The following ECM2 variants were observed in gnomAD, a reference collection of about 807,000 sequenced individuals.
The protein encoded by ECM2 is extracellular matrix protein 2, also known as extracellular matrix protein 2, female organ and adipocyte specific.
A neutral mutation model predicts 67.5 loss-of-function variants in ECM2; 57 were observed. The ratio of observed to expected loss-of-function variants is 0.84; its 90% confidence interval spans 0.68 to 1.05. The LOEUF (loss-of-function observed/expected upper bound fraction) is 1.05, where lower values mean the gene tolerates loss of function less well. ECM2 is among the 50% of genes least tolerant of loss of function. ECM2 has a pLI of 0.00. For synonymous variants in ECM2, 258 were observed against 294.5 expected (o/e 0.88, Z 1.27); for missense variants, 741 against 822.8 (o/e 0.90, Z 1.22).
upstream of ECM2, chr9:92,536,508 G>A (rs1420324770): frequency 6.5e-6 from 1 of 153,088 alleles, no homozygotes. Context: ...ACAAAAAAAT[G>A]GTTACGTATT....
the ECM2 span, among the ~76,000 whole-genome samples, chr9:92,558,987 A>C: frequency 6.6e-6 from 1 of 152,042 alleles, no homozygotes; most frequent in East Asian, 1.9e-4. Flanking sequence ...CCCGCCACCC[A>C]ACAGCCCCAA....
chr9:92,550,605 A>G, the ECM2 span, among the ~76,000 whole-genome samples: 4 of 152,010 alleles, frequency 2.6e-5, no homozygotes, highest in South Asian at 8.3e-4. Context: ...TATTCAGTCC[A>G]GGAGGCTGGA....
upstream of ECM2, among the ~76,000 whole-genome samples, chr9:92,540,563 G>C (rs1025810414): frequency 1.3e-5 from 2 of 151,786 alleles, no homozygotes; most frequent in African/African-American, 4.8e-5. Flanking sequence ...ACAAGGTTAG[G>C]AGTTCAAGAC....
intron 2 of ECM2, among the ~76,000 whole-genome samples, chr9:92,520,862 G>A (rs1848023452): frequency 6.6e-6 from 1 of 152,156 alleles, no homozygotes; most frequent in South Asian, 2.1e-4. Flanking sequence ...AAATACACAA[G>A]GCCACATATT....
At chr9:92,533,560 G>A (rs1848991319) in intron 1 of ECM2, among the ~76,000 whole-genome samples, 1 of 151,094 alleles carries the variant, frequency 6.6e-6, no homozygotes, top group African/African-American at 2.4e-5. Context: ...CCAAATATTG[G>A]CCCTGTTGTT....
chr9:92,522,885 A>C lies in ECM2; in HGVS notation c.-19T>G. On this transcript the variant is annotated 5_prime_UTR_variant, in exon 2 of 10. Transcript: ENST00000344604. ...TCTTCATGTTTGATTTTTTTCCACCAGCCAATTTCTAGAATGAAACAATAT... is the reference window on the plus strand; with the variant it reads ...TCTTCATGTTTGATTTTTTTCCACCCGCCAATTTCTAGAATGAAACAATAT... The C allele has an allele frequency of 6.3e-7, 1 of 1,579,762 alleles. No homozygotes were observed. The highest frequency in any genetic ancestry group is 8.6e-7 in the Non-Finnish European group (1 of 1,168,780).
chr9:92,515,171 T>G lies in ECM2; in HGVS notation c.514A>C (p.Asn172His). 1 of 1,607,260 alleles carries G rather than the reference T, an allele frequency of 6.2e-7. No homozygotes were observed. The highest frequency in any genetic ancestry group is 8.5e-7 in the Non-Finnish European group (1 of 1,177,584). The change falls in exon 4 of 10, where the codon AAT becomes CAT. Residue 172 changes from asparagine (N) to histidine (H), a missense_variant. Transcript: ENST00000344604. ...SYSLLSGIAL[N>H]DRNEFSGDSS... ...TCACCAGAAAATTCATTTCTATCAT[T>G]TAATGCTATACCACTGAGTAGAGAA... is the stretch of plus-strand genomic sequence containing the variant.
At chr9:92,536,646 T>C (rs115469352), upstream of ECM2, 5,494 of 152,372 alleles carry the variant, frequency 0.036, 139 homozygotes, top group Middle Eastern at 0.075. Flanking sequence ...TCAGTTTCTT[T>C]ATCTGCAAAT....
intron 1 of ECM2, among the ~76,000 whole-genome samples, chr9:92,530,775 G>A (rs933127872): frequency 1.3e-5 from 2 of 152,200 alleles, no homozygotes; most frequent in Admixed American, 1.3e-4. Flanking sequence ...TGGTACTGAA[G>A]TTTGGGATAT....
At chr9:92,519,537 G>A (rs1007996845) in intron 2 of ECM2, among the ~76,000 whole-genome samples, 4 of 152,198 alleles carry the variant, frequency 2.6e-5, no homozygotes, top group Non-Finnish European at 4.4e-5. Flanking sequence ...TTCAAGAAGG[G>A]TGTCAAGACC....
In ECM2 at chr9:92,524,400, G is replaced by A. The variant is rs559525411; in HGVS notation, c.-27-1507C>T. 5.9e-5 allele frequency among the ~76,000 whole-genome samples: 9 copies of A among 152,260 alleles called. No homozygotes were observed. The South Asian group carries it at 6.2e-4, about 11-fold the overall frequency. ...TAGCATTATGGTCAGACAGACTGGC[G>A]CAATCCCTGTGAAGTCTGGTGGCCA... On this transcript the variant is annotated intron_variant, in intron 1 of 9. Transcript: ENST00000344604.
At chr9:92,552,179 GATCT>G in the ECM2 span, among the ~76,000 whole-genome samples, 1 of 115,404 alleles carries the variant, frequency 8.7e-6, no homozygotes, top group African/African-American at 4.4e-5. Context: ...TGATATGATA[GATCT>G]ATCATATACA....
the ECM2 span, among the ~76,000 whole-genome samples, chr9:92,547,025 A>C: frequency 2.0e-5 from 3 of 152,178 alleles, no homozygotes; most frequent in Admixed American, 2.0e-4. Context: ...CATAGATTTT[A>C]AAATACGTAT....
At chr9:92,545,428 C>T in the ECM2 span, among the ~76,000 whole-genome samples, 1 of 152,162 alleles carries the variant, frequency 6.6e-6, no homozygotes, top group Non-Finnish European at 1.5e-5. Flanking sequence ...GGTACCCCAG[C>T]AGTGCCGGCC....
intron 1 of ECM2, among the ~76,000 whole-genome samples, chr9:92,533,345 A>ATATATATATATATATATATATATATATG (rs1848975677): frequency 7.8e-6 from 1 of 128,248 alleles, no homozygotes; most frequent in Non-Finnish European, 1.6e-5. Context: ...ATATATATAT[A>ATATATATATATATATATATATATATATG]TATATATATA....
rs146044903 is a variant in ECM2 at position 92,531,920 on chromosome 9, A to AT, written c.-28+4012dup. 8.9e-3 allele frequency among the ~76,000 whole-genome samples: 1,301 copies of AT among 146,128 alleles called. 32 individuals carry two copies. Among genetic ancestry groups the AT allele is most frequent in the African/African-American group, 0.032 (1,212 of 38,382 alleles). ...TTTCAGCATTGTGAAGATACGGTTG[A>AT]TTTTTTCCCCCTACACTTTCATTTC... On this transcript the variant is annotated intron_variant, in intron 1 of 9. Coordinates refer to ENST00000344604, the MANE Select transcript of ECM2 (RefSeq NM_001393.4).
At chr9:92,541,242 G>A (rs576454515), upstream of ECM2, among the ~76,000 whole-genome samples, 2 of 152,298 alleles carry the variant, frequency 1.3e-5, no homozygotes, top group Admixed American at 6.5e-5. Flanking sequence ...CTGGGTGACA[G>A]AGCGAGACTC....
the ECM2 span, among the ~76,000 whole-genome samples, chr9:92,554,167 A>C: frequency 6.6e-6 from 1 of 150,740 alleles, no homozygotes; most frequent in East Asian, 1.9e-4. Context: ...TAAGATTATC[A>C]TGTGATTTTT....
chr9:92,540,253 A>T (rs551095609), upstream of ECM2, among the ~76,000 whole-genome samples: 5 of 152,148 alleles, frequency 3.3e-5, no homozygotes, highest in Non-Finnish European at 2.9e-5. Context: ...CCTGGCTAAC[A>T]TGATGAAACC....
Sources: allele counts gnomAD v4.1 joint callset (sites outside exome capture counted in the v4.1 genomes callset), GRCh38; gene constraint gnomAD v4.1.1; transcripts MANE v1.5; gene names NCBI Gene and HGNC (gene_info 2026-07-23, HGNC 2026-07-21).